UBR1: variants seen among roughly 807,000 people sequenced by gnomAD.
UBR1 encodes E3 ubiquitin-protein ligase UBR1.
In UBR1, 102 loss-of-function variants were observed where a neutral mutation model predicts 242.1. The observed-to-expected ratio is 0.42, with a 90% confidence interval of 0.36 to 0.50. The LOEUF (loss-of-function observed/expected upper bound fraction) is 0.50, where lower values mean the gene tolerates loss of function less well. Ranked by LOEUF, UBR1 falls within the 20% of genes least tolerant of loss-of-function variation. The pLI is 0.01. For synonymous variants in UBR1, 675 were observed against 684.8 expected, an observed-to-expected ratio of 0.99 and a Z score of 0.22; for missense variants, 1,772 against 2,101.8, an observed-to-expected ratio of 0.84 and a Z score of 3.07.
intron 6 of UBR1, among the ~76,000 whole-genome samples, chr15:43,067,618 T>G (rs2033770114): frequency 6.6e-6 from 1 of 152,212 alleles, no homozygotes; most frequent in African/African-American, 2.4e-5. Context: ...TAAATAATTA[T>G]AGGACCAGAC....
intron 1 of UBR1, among the ~76,000 whole-genome samples, chr15:43,097,795 G>C (rs2141370617): frequency 6.6e-6 from 1 of 152,350 alleles, no homozygotes; most frequent in East Asian, 1.9e-4. Flanking sequence ...TTTGCCTTAA[G>C]GGAATATTGT....
chr15:42,996,764 G>A (rs984315308), intron 33 of UBR1, among the ~76,000 whole-genome samples: 1 of 152,068 alleles, frequency 6.6e-6, no homozygotes, highest in East Asian at 1.9e-4. Flanking sequence ...ACAACAGAGG[G>A]TAAAATAATC....
chr15:43,061,466 G>A (rs1489345159), intron 6 of UBR1, among the ~76,000 whole-genome samples: 1 of 152,036 alleles, frequency 6.6e-6, no homozygotes, highest in African/African-American at 2.4e-5. Context: ...GCAAAATCAC[G>A]GCACCAACTG....
At chr15:43,054,009 G>A (rs1202495274) in intron 12 of UBR1, among the ~76,000 whole-genome samples, 1 of 152,012 alleles carries the variant, frequency 6.6e-6, no homozygotes, top group Non-Finnish European at 1.5e-5. Context: ...CCACAGATGT[G>A]GAACCCACAA....
At chr15:42,957,826 C>A (rs2031948364) in intron 44 of UBR1, among the ~76,000 whole-genome samples, 187 bp downstream of exon 44, 1 of 152,052 alleles carries the variant, frequency 6.6e-6, no homozygotes, top group Non-Finnish European at 1.5e-5. Context: ...ATAGTCAAAT[C>A]ACTGCACTCC....
intron 5 of UBR1, among the ~76,000 whole-genome samples, chr15:43,068,270 C>T (rs1378875937): frequency 5.4e-5 from 8 of 148,118 alleles, no homozygotes; most frequent in African/African-American, 2.0e-4. Flanking sequence ...CTCACTGCAA[C>T]CACTCCCTTC....
chr15:43,105,786 T>C (rs2034289210), intron 1 of UBR1, among the ~76,000 whole-genome samples, 156 bp downstream of exon 1: 2 of 152,136 alleles, frequency 1.3e-5, no homozygotes, highest in South Asian at 4.1e-4. Flanking sequence ...GAAATGTGGG[T>C]TGCGACTAAC....
intron 10 of UBR1, 139 bp from the exon 11 acceptor site, chr15:43,056,581 T>C (rs1013079992): frequency 2.8e-5 from 17 of 599,116 alleles, no homozygotes; most frequent in Non-Finnish European, 4.9e-5. Context: ...AGGCAAGATA[T>C]TATGATCAGC....
At chr15:43,033,295 G>A (rs927478813) in intron 19 of UBR1, among the ~76,000 whole-genome samples, 13 of 151,746 alleles carry the variant, frequency 8.6e-5, no homozygotes, top group Non-Finnish European at 1.3e-4. Context: ...TGCGGATCAT[G>A]AGGTCAGAAG....
intron 3 of UBR1, among the ~76,000 whole-genome samples, chr15:43,077,644 AT>A (rs1264875879): frequency 6.6e-6 from 1 of 150,862 alleles, no homozygotes; most frequent in African/African-American, 2.4e-5. Context: ...AGAATGATCA[AT>A]TAAAAAAAAA....
chr15:43,076,827 G>A (rs76975250), intron 3 of UBR1, among the ~76,000 whole-genome samples: 1 of 68,042 alleles, frequency 1.5e-5, no homozygotes, highest in Non-Finnish European at 3.0e-5. Flanking sequence ...GGTGAGGGGC[G>A]CCTCTGCCCG....
chr15:43,104,310 TTAAA>T (rs1413999867), intron 1 of UBR1, among the ~76,000 whole-genome samples: 2 of 152,280 alleles, frequency 1.3e-5, no homozygotes, highest in South Asian at 2.1e-4. Context: ...TATCAAAGCT[TTAAA>T]TAAATATTAG....
intron 3 of UBR1, among the ~76,000 whole-genome samples, chr15:43,079,717 GAT>G (rs1286040278): frequency 1.3e-5 from 2 of 152,166 alleles, no homozygotes; most frequent in Non-Finnish European, 2.9e-5. Flanking sequence ...GGGAGACAGA[GAT>G]TGCAGTGAGC....
At chr15:43,065,742 C>T (rs909190538) in intron 6 of UBR1, among the ~76,000 whole-genome samples, 7 of 152,050 alleles carry the variant, frequency 4.6e-5, no homozygotes, top group African/African-American at 1.7e-4. Context: ...AGCTTTTTTT[C>T]ATGTTTGCTG....
At chr15:42,949,322 T>C (rs2141247906) in intron 46 of UBR1, among the ~76,000 whole-genome samples, 1 of 150,616 alleles carries the variant, frequency 6.6e-6, no homozygotes, top group East Asian at 2.0e-4. Context: ...GAGATATACC[T>C]AATGCTAAAT....
At chr15:43,083,102 C>T (rs1473312259) in intron 2 of UBR1, among the ~76,000 whole-genome samples, 4 of 152,190 alleles carry the variant, frequency 2.6e-5, no homozygotes, top group Non-Finnish European at 4.4e-5. Flanking sequence ...AAGCTGATTG[C>T]TCATTGTTAA....
chr15:43,098,370 C>T (rs149525566), intron 1 of UBR1, among the ~76,000 whole-genome samples: 4 of 152,208 alleles, frequency 2.6e-5, no homozygotes, highest in East Asian at 1.9e-4. Context: ...CACAATGACA[C>T]GAAGTGAGCA....
At chr15:42,982,478 A>G (rs2032392840) in intron 37 of UBR1, among the ~76,000 whole-genome samples, 1 of 152,250 alleles carries the variant, frequency 6.6e-6, no homozygotes, top group Non-Finnish European at 1.5e-5. Flanking sequence ...AACAGCATCA[A>G]CATTAGATTT....
Position 43,025,433 on chromosome 15 carries a change from TA to T in UBR1, c.2536-5del, listed in dbSNP as rs762394570. 14 of 1,598,144 alleles carry T rather than the reference TA, an allele frequency of 8.8e-6. No individual in the cohort carries two copies. The Admixed American group carries it at 1.8e-4, about 21-fold the overall frequency. ...TTTTCTTCTGCATATGTTCAGCCTATAAAAAAATCTATCATTAAATATACTG... is the reference window on the plus strand; with the variant it reads ...TTTTCTTCTGCATATGTTCAGCCTATAAAAAATCTATCATTAAATATACTG... On this transcript the variant is annotated splice_region_variant and splice_polypyrimidine_tract_variant and intron_variant, in intron 23 of 46. Coordinates refer to ENST00000290650, the MANE Select transcript of UBR1 (RefSeq NM_174916.3).
Sources: gnomAD v4.1 joint callset for allele counts (sites outside exome capture counted in the v4.1 genomes callset) on GRCh38, gnomAD v4.1.1 for gene constraint, MANE v1.5 for transcripts, NCBI Gene and HGNC (gene_info 2026-07-23, HGNC 2026-07-21) for gene names.